The following HIVEP2 variants were observed in gnomAD, a reference collection of about 807,000 sequenced individuals.
HIVEP2 encodes HIVEP zinc finger 2, also known as transcription factor HIVEP2.
A neutral mutation model predicts 180.7 loss-of-function variants in HIVEP2; 14 were observed. That is an observed-to-expected ratio of 0.08 (90% CI 0.05 to 0.12). HIVEP2 has a LOEUF of 0.12. Ranked by LOEUF, HIVEP2 falls within the 10% of genes least tolerant of loss-of-function variation. The pLI is 1.00. For synonymous variants in HIVEP2, 1,184 were observed against 1,136.4 expected (o/e 1.04, Z -0.84); for missense variants, 2,579 against 3,008.5 (o/e 0.86, Z 3.34).
chr6:142,763,765 T>C (rs934041070), intron 7 of HIVEP2, among the ~76,000 whole-genome samples: 1 of 152,366 alleles, frequency 6.6e-6, no homozygotes, highest in East Asian at 1.9e-4. Context: ...AAAGGCCATA[T>C]GATTATTTTT....
rs1260263410 is a variant in HIVEP2 at position 142,773,730 on chromosome 6, G to A, written c.1009C>T (p.Leu337Phe). The stretch of plus-strand genomic sequence containing the variant: ...ATATACTGAGAGCTTTCATTAGGGA[G>A]AGGAATCCCACTTTTAGGGATAATC... ...ILIIPKSGIP[L>F]PNESSQYIGP... is the part of the protein sequence containing the mutation. The change falls in exon 5 of 10, where the codon CTC (leucine) becomes TTC (phenylalanine). Residue 337 changes from leucine to phenylalanine, a missense_variant. Around this residue, in one of 11 missense-constraint regions of HIVEP2, gnomAD observed 142 missense variants for 135.2 expected, o/e 1.05. Coordinates refer to ENST00000367603, the MANE Select transcript of HIVEP2 (RefSeq NM_006734.4). 6.2e-7 allele frequency: 1 copy of A among 1,613,916 alleles called. No homozygotes were observed. The highest frequency in any genetic ancestry group is 8.5e-7 in the Non-Finnish European group (1 of 1,179,992).
chr6:142,873,177 A>C (rs879342718), intron 1 of HIVEP2, among the ~76,000 whole-genome samples: 1 of 152,228 alleles, frequency 6.6e-6, no homozygotes, highest in Non-Finnish European at 1.5e-5. Flanking sequence ...ACTCAGCAGT[A>C]TATGTACCAA....
In HIVEP2 at chr6:142,774,866, G is replaced by T; in HGVS notation, c.-128C>A. 6.6e-7 allele frequency: 1 copy of T among 1,511,300 alleles called. No homozygotes were observed. The highest frequency in any genetic ancestry group is 8.8e-7 in the Non-Finnish European group (1 of 1,138,718). The allele number at this position is 1,511,300 out of a possible 1,614,324, so 93.6% of individuals were successfully genotyped here. A position where few individuals can be genotyped will look rare whatever the true frequency, so the allele number is the denominator to read the frequency against. ...CAGGGTGTCTGCAAACTTGCTGATT[G>T]CTCCTTCTCTTTGGAACCTTCCACA... On this transcript the variant is annotated 5_prime_UTR_variant, in exon 5 of 10. Coordinates refer to ENST00000367603, the MANE Select transcript of HIVEP2 (RefSeq NM_006734.4). The surrounding 1 kb of genome is among the most constrained non-coding windows in gnomAD (Gnocchi z 5.1).
chr6:142,811,702 T>A (rs1267572812), intron 2 of HIVEP2, among the ~76,000 whole-genome samples: 1 of 152,210 alleles, frequency 6.6e-6, no homozygotes, highest in African/African-American at 2.4e-5. Context: ...TCCACACGGA[T>A]TTCACAGACC....
intron 1 of HIVEP2, among the ~76,000 whole-genome samples, chr6:142,850,108 G>C (rs1775612178): frequency 1.3e-5 from 2 of 152,290 alleles, no homozygotes; most frequent in South Asian, 4.2e-4. Context: ...TGAAGCAGTT[G>C]GGACAGGTAA....
Position 142,773,829 on chromosome 6 carries a change from C to G in HIVEP2, c.910G>C (p.Asp304His). The stretch of plus-strand genomic sequence containing the variant: ...TGATAGCCGCCTCTGCTGGCAATGT[C>G]CAGTGGGATGGGTGGACCAGGACTC... ...KMSPGPPIPL[D>H]IASRGGYHGS... The change falls in exon 5 of 10, where the codon GAC becomes CAC. Residue 304 changes from aspartate (D) to histidine (H), a missense_variant. Coordinates refer to ENST00000367603, the MANE Select transcript of HIVEP2 (RefSeq NM_006734.4). The G allele has an allele frequency of 6.2e-7, 1 of 1,613,770 alleles. No individual in the cohort carries two copies.
intron 1 of HIVEP2, among the ~76,000 whole-genome samples, chr6:142,860,318 T>C (rs1775942649): frequency 6.6e-6 from 1 of 152,184 alleles, no homozygotes; most frequent in African/African-American, 2.4e-5. Context: ...AATATGTACA[T>C]TCATACTATA....
At chr6:142,893,371 C>T (rs759408480) in intron 1 of HIVEP2, among the ~76,000 whole-genome samples, 51 of 152,128 alleles carry the variant, frequency 3.4e-4, no homozygotes, top group Admixed American at 9.2e-4. Flanking sequence ...ATTCCTAATG[C>T]GGCAAGTGTG....
intron 1 of HIVEP2, among the ~76,000 whole-genome samples, chr6:142,903,044 A>G (rs1777171518): frequency 6.6e-6 from 1 of 152,148 alleles, no homozygotes; most frequent in South Asian, 2.1e-4. Context: ...CAGTAAACCG[A>G]TATTTTTCTC....
At chr6:142,783,392 C>G (rs1318965666) in intron 3 of HIVEP2, 129 bp downstream of exon 3, 1 of 144,746 alleles carries the variant, frequency 6.9e-6, no homozygotes, top group Admixed American at 6.8e-5. Flanking sequence ...CAAAACAACA[C>G]TTTTCTCTCT....
chr6:142,843,968 C>T (rs1020933757), intron 1 of HIVEP2, among the ~76,000 whole-genome samples: 3 of 152,048 alleles, frequency 2.0e-5, no homozygotes, highest in Non-Finnish European at 2.9e-5. Context: ...TCTGTTACTT[C>T]GAGTACTTGA....
chr6:142,836,658 T>C (rs1775229781), intron 2 of HIVEP2, among the ~76,000 whole-genome samples: 1 of 152,174 alleles, frequency 6.6e-6, no homozygotes, highest in South Asian at 2.1e-4. Flanking sequence ...AAGATTATAA[T>C]AAGCAAATCA....
At chr6:142,764,114 C>T (rs973840301) in intron 7 of HIVEP2, among the ~76,000 whole-genome samples, 1 of 152,028 alleles carries the variant, frequency 6.6e-6, no homozygotes, top group Admixed American at 6.6e-5. Flanking sequence ...GACTACCAGA[C>T]TTATGAACAT....
intron 2 of HIVEP2, among the ~76,000 whole-genome samples, chr6:142,785,344 A>AAG (rs1775971863): frequency 9.4e-6 from 1 of 106,430 alleles, no homozygotes; most frequent in Non-Finnish European, 2.0e-5. Context: ...AAAAAAAAAA[A>AAG]AAGAAGAAGA....
rs1316503336 is a variant in HIVEP2, at chr6:142,866,310, A to G, written c.-640-29263T>C. On this transcript the variant is annotated intron_variant, in intron 1 of 9. Coordinates refer to ENST00000367603, the MANE Select transcript of HIVEP2 (RefSeq NM_006734.4). Reference sequence around the variant, plus strand: ...CTAAATAAGTTAATACACAGAAAGCATTCCTACCTGGCACACAGTAAGTGC... The same window carrying G: ...CTAAATAAGTTAATACACAGAAAGCGTTCCTACCTGGCACACAGTAAGTGC... Among the ~76,000 whole-genome samples the G allele has an allele frequency of 2.0e-5, 3 of 152,318 alleles. No individual in the cohort carries two copies. The East Asian group carries it at 5.8e-4, about 29-fold the overall frequency.
At chr6:142,899,500 C>T (rs1421701267) in intron 1 of HIVEP2, among the ~76,000 whole-genome samples, 1 of 152,184 alleles carries the variant, frequency 6.6e-6, no homozygotes, top group East Asian at 1.9e-4. Context: ...CATGCTCAGG[C>T]CCACACGCAA....
chr6:142,866,856 A>ATACAATTT lies in HIVEP2; in HGVS notation c.-640-29817_-640-29810dup, dbSNP rs557978234. ...TACTTACCCCTTTCTAACTGCTAAAATACAATTTCCCTTTGCCATTAACTA... is the reference window on the plus strand; with the variant it reads ...TACTTACCCCTTTCTAACTGCTAAAATACAATTTTACAATTTCCCTTTGCCATTAACTA... On this transcript the variant is annotated intron_variant, in intron 1 of 9. Transcript: ENST00000367603. 9.7e-3 allele frequency among the ~76,000 whole-genome samples: 1,480 copies of ATACAATTT among 152,300 alleles called. 16 individuals are homozygous for ATACAATTT. Among genetic ancestry groups the ATACAATTT allele is most frequent in the Non-Finnish European group, 0.012 (815 of 68,022 alleles).
Position 142,769,967 on chromosome 6 carries a change from T to C in HIVEP2, c.4772A>G (p.Asp1591Gly). 6.2e-7 allele frequency: 1 copy of C among 1,613,974 alleles called. No individual in the cohort carries two copies. Among genetic ancestry groups the C allele is most frequent in the Non-Finnish European group, 8.5e-7 (1 of 1,180,018 alleles). The change falls in exon 5 of 10, where the codon GAT becomes GGT. Residue 1591 changes from aspartate (D) to glycine (G), a missense_variant. Asp to Gly is a moderately conservative substitution (Grantham distance 94). This residue lies in a region of HIVEP2 where 349 missense variants were observed against 367.2 expected (regional missense o/e 0.95). Coordinates refer to ENST00000367603, the MANE Select transcript of HIVEP2 (RefSeq NM_006734.4). ...SPQSSSLPAGDGQLEEEGKGH... is the reference protein window; with the variant it reads ...SPQSSSLPAGGGQLEEEGKGH... ...CTTCCCTTCCTCTTCCAGCTGACCA[T>C]CTCCTGCTGGTAATGAAGAACTCTG...
In HIVEP2 at chr6:142,917,854, C is replaced by A. The variant is rs544822016; in HGVS notation, c.-641+27245G>T. Among the ~76,000 whole-genome samples the A allele has an allele frequency of 2.0e-5, 3 of 152,284 alleles. No individual in the cohort carries two copies. The South Asian group carries it at 6.2e-4, about 32-fold the overall frequency. Reference sequence around the variant, plus strand: ...GCAGTGGAGCAACCTTGGCTCACTGCAAGCTCCGCCTCCTGGGTTCAAGCA... The same window carrying A: ...GCAGTGGAGCAACCTTGGCTCACTGAAAGCTCCGCCTCCTGGGTTCAAGCA... On this transcript the variant is annotated intron_variant, in intron 1 of 9. Transcript: ENST00000367603.
Sources: gnomAD v4.1 joint callset for allele counts (sites outside exome capture counted in the v4.1 genomes callset) on GRCh38, gnomAD v4.1.1 for gene constraint, gnomAD v4.1.1 regional missense constraint, Gnocchi (gnomAD v3.1) non-coding constraint, MANE v1.5 for transcripts, NCBI Gene and HGNC (gene_info 2026-07-23, HGNC 2026-07-21) for gene names.